The following TP63 variants were observed in gnomAD, a reference collection of about 807,000 sequenced individuals.
TP63 encodes the protein tumor protein 63.
Under a neutral mutation model 82.8 loss-of-function variants are expected in TP63, and 17 were observed. The observed-to-expected ratio is 0.21, with a 90% confidence interval of 0.14 to 0.31. The LOEUF is 0.31. Among genes scored for constraint, TP63 ranks in the 10% least tolerant of loss-of-function variants. TP63 has a pLI of 1.00. For synonymous variants in TP63, 330 were observed against 321.7 expected (o/e 1.03, Z -0.28); for missense variants, 648 against 895.3 (o/e 0.72, Z 3.52).
At chr3:189,613,170 G>A in the TP63 span, among the ~76,000 whole-genome samples, 1 of 152,190 alleles carries the variant, frequency 6.6e-6, no homozygotes, top group African/African-American at 2.4e-5. Context: ...CTTTATGGCA[G>A]CTCCCCCAAT....
chr3:189,850,233 G>T (rs1485744338), intron 4 of TP63, among the ~76,000 whole-genome samples: 1 of 152,066 alleles, frequency 6.6e-6, no homozygotes, highest in Non-Finnish European at 1.5e-5. Flanking sequence ...AGGGAGCCAA[G>T]ATCATACCAC....
At chr3:189,626,483 C>T (rs558591250), upstream of TP63, among the ~76,000 whole-genome samples, 2 of 152,300 alleles carry the variant, frequency 1.3e-5, no homozygotes, top group South Asian at 4.1e-4. Context: ...TTTCTCTGAT[C>T]TCATAGTCAC....
intron 3 of TP63, among the ~76,000 whole-genome samples, chr3:189,777,753 A>G (rs768615050): frequency 2.2e-5 from 3 of 137,838 alleles, no homozygotes; most frequent in Non-Finnish European, 3.1e-5. Flanking sequence ...CTTTGTAAAC[A>G]TATTTTTTTT....
chr3:189,726,450 A>G (rs892907333), intron 1 of TP63, among the ~76,000 whole-genome samples: 4 of 152,182 alleles, frequency 2.6e-5, no homozygotes, highest in Non-Finnish European at 5.9e-5. Flanking sequence ...ATGACTATCA[A>G]ATGGAGTATG....
chr3:189,835,209 G>T (rs1036873276), intron 4 of TP63, among the ~76,000 whole-genome samples: 24 of 152,076 alleles, frequency 1.6e-4, no homozygotes, highest in Non-Finnish European at 3.4e-4. Context: ...TAGATGGAGG[G>T]TCTAGTTATA....
intron 4 of TP63, among the ~76,000 whole-genome samples, chr3:189,857,968 A>G (rs993446610): frequency 9.9e-5 from 15 of 152,212 alleles, no homozygotes; most frequent in African/African-American, 3.1e-4. Context: ...TGATCCAGCA[A>G]TCTCACTACT....
At chr3:189,605,934 C>T in the TP63 span, among the ~76,000 whole-genome samples, 1 of 152,182 alleles carries the variant, frequency 6.6e-6, no homozygotes. Context: ...GAATAGGAGA[C>T]AAAATACTGA....
At chr3:189,809,898 A>G (rs946548043) in intron 4 of TP63, among the ~76,000 whole-genome samples, 5 of 152,240 alleles carry the variant, frequency 3.3e-5, no homozygotes, top group African/African-American at 9.6e-5. Flanking sequence ...AGGCATGCCT[A>G]AACTTACAGA....
intron 1 of TP63, among the ~76,000 whole-genome samples, chr3:189,701,868 A>T (rs1717838380): frequency 6.6e-6 from 1 of 152,106 alleles, no homozygotes; most frequent in African/African-American, 2.4e-5. Context: ...TGTATTCTTC[A>T]AATCTGAAGG....
chr3:189,620,506 C>CAAAAAAAA, the TP63 span, among the ~76,000 whole-genome samples: 1 of 69,004 alleles, frequency 1.4e-5, no homozygotes, highest in Non-Finnish European at 2.8e-5. Context: ...AAGACTCCAT[C>CAAAAAAAA]AAAAAAAAAA....
chr3:189,617,485 T>TC, the TP63 span, among the ~76,000 whole-genome samples: 1 of 152,186 alleles, frequency 6.6e-6, no homozygotes, highest in Non-Finnish European at 1.5e-5. Context: ...GATGTCACCC[T>TC]CCCATAATAG....
chr3:189,815,027 G>C lies in TP63; in HGVS notation c.579+6501G>C, dbSNP rs150561617. On this transcript the variant is annotated intron_variant, in intron 4 of 13. Coordinates refer to ENST00000264731, the MANE Select transcript of TP63 (RefSeq NM_003722.5). ...CAAAGAGTAACAGCAAAAATCCTCT[G>C]CTTTTCCCTTTTCTTCTTTCTCCCT... Among the ~76,000 whole-genome samples, 325 of 152,080 alleles carry C rather than the reference G, an allele frequency of 2.1e-3. 1 individual carries two copies. Among genetic ancestry groups the C allele is most frequent in the South Asian group, 0.013 (62 of 4,794 alleles).
In TP63 at chr3:189,873,193, C is replaced by T. The variant is rs1232288697; in HGVS notation, c.1349+198C>T. 8 of 708,070 alleles carry T rather than the reference C, an allele frequency of 1.1e-5. No individual in the cohort carries two copies. In the Admixed American group the frequency reaches 1.2e-4, roughly 11 times the overall value. 43.9% of individuals were successfully genotyped at this position (708,070 alleles called of 1,614,324 possible). On this transcript the variant is annotated intron_variant, in intron 10 of 13. Coordinates refer to ENST00000264731, the MANE Select transcript of TP63 (RefSeq NM_003722.5). The stretch of plus-strand genomic sequence containing the variant: ...TTATTATAACCTTCCCTTCAGAATT[C>T]CACTTATGTTCTGAAATTAAATACA...
At chr3:189,783,774 TA>T (rs1447578701) in intron 3 of TP63, among the ~76,000 whole-genome samples, 8 of 151,854 alleles carry the variant, frequency 5.3e-5, no homozygotes, top group Non-Finnish European at 7.4e-5. Context: ...CAAAATGAAA[TA>T]TTTTTTTCAT....
intron 10 of TP63, among the ~76,000 whole-genome samples, chr3:189,883,498 T>G (rs781060127): frequency 6.6e-6 from 1 of 152,196 alleles, no homozygotes; most frequent in Non-Finnish European, 1.5e-5. Flanking sequence ...TCTTACATAG[T>G]TATCTTCTAT....
chr3:189,661,677 G>A (rs547689713), intron 1 of TP63, among the ~76,000 whole-genome samples: 2 of 152,136 alleles, frequency 1.3e-5, no homozygotes, highest in African/African-American at 4.8e-5. Context: ...ATGTCTGGTA[G>A]AATTTGGCTG....
intron 4 of TP63, among the ~76,000 whole-genome samples, chr3:189,836,961 G>A (rs1577068502): frequency 6.6e-6 from 1 of 152,118 alleles, no homozygotes; most frequent in African/African-American, 2.4e-5. Flanking sequence ...TGTCACATTG[G>A]CAGGTGTTAT....
chr3:189,774,098 A>AT (rs1723588927), intron 3 of TP63, among the ~76,000 whole-genome samples: 1 of 151,158 alleles, frequency 6.6e-6, no homozygotes, highest in Non-Finnish European at 1.5e-5. Flanking sequence ...AATTTTTTGT[A>AT]TTTTTAGTAG....
intron 1 of TP63, among the ~76,000 whole-genome samples, chr3:189,654,683 T>C (rs1713181040): frequency 6.6e-6 from 1 of 152,202 alleles, no homozygotes; most frequent in South Asian, 2.1e-4. Flanking sequence ...ATTAATGGAA[T>C]ATGCAAGCTG....
Sources: allele counts gnomAD v4.1 joint callset (sites outside exome capture counted in the v4.1 genomes callset), GRCh38; gene constraint gnomAD v4.1.1; transcripts MANE v1.5; gene names NCBI Gene and HGNC (gene_info 2026-07-23, HGNC 2026-07-21).